SPAG16: variants seen among roughly 807,000 people sequenced by gnomAD.
The protein encoded by SPAG16 is sperm associated antigen 16, also known as sperm-associated antigen 16 protein.
A neutral mutation model predicts 80.4 loss-of-function variants in SPAG16; 86 were observed. That is an observed-to-expected ratio of 1.07 (90% CI 0.90 to 1.28). The LOEUF is 1.28. Ranked by LOEUF, SPAG16 falls within the 50% of genes most tolerant of loss-of-function variation. SPAG16 has a pLI of 0.00. For missense variants in SPAG16, 870 were observed against 765.3 expected (o/e 1.14, Z -1.61); for synonymous variants, 294 against 265.9 (o/e 1.11, Z -1.03).
At chr2:213,856,282 C>A (rs1032805420) in intron 10 of SPAG16, among the ~76,000 whole-genome samples, 1 of 152,200 alleles carries the variant, frequency 6.6e-6, no homozygotes, top group Admixed American at 6.5e-5. Context: ...ACTCCCATAG[C>A]CTTGGGCAGC....
intron 10 of SPAG16, among the ~76,000 whole-genome samples, chr2:213,731,688 TC>T (rs2067053176): frequency 6.6e-6 from 1 of 152,134 alleles, no homozygotes; most frequent in Non-Finnish European, 1.5e-5. Context: ...CCACAATGTA[TC>T]CATGTGTTCT....
chr2:213,751,657 C>T (rs573668045), intron 10 of SPAG16, among the ~76,000 whole-genome samples: 1 of 152,288 alleles, frequency 6.6e-6, no homozygotes. Context: ...TATTGTGTCT[C>T]CCCTGACGCA....
chr2:214,314,513 C>T (rs576496620), intron 15 of SPAG16, among the ~76,000 whole-genome samples: 1 of 152,324 alleles, frequency 6.6e-6, no homozygotes, highest in East Asian at 1.9e-4. Flanking sequence ...CAGTCAGTCT[C>T]TGTGGGTTTG....
intron 7 of SPAG16, among the ~76,000 whole-genome samples, chr2:213,356,826 T>C (rs2065684853): frequency 6.6e-6 from 1 of 152,204 alleles, no homozygotes; most frequent in Non-Finnish European, 1.5e-5. Flanking sequence ...CTCTAGTTCT[T>C]TTTATTGTGA....
chr2:214,274,884 T>G (rs545292978), intron 15 of SPAG16, among the ~76,000 whole-genome samples: 44 of 152,286 alleles, frequency 2.9e-4, no homozygotes, highest in African/African-American at 1.1e-3. Context: ...CCAGCTCCTC[T>G]TTGTACCTCT....
At chr2:214,219,281 A>G (rs1220856112) in intron 15 of SPAG16, among the ~76,000 whole-genome samples, 1 of 152,124 alleles carries the variant, frequency 6.6e-6, no homozygotes, top group Admixed American at 6.6e-5. Flanking sequence ...TGTTAAATCT[A>G]TTTTTAGGAG....
rs541989349 is a variant in SPAG16, at chr2:213,515,650, G to T, written c.1070+25560G>T. Among the ~76,000 whole-genome samples, 8 of 152,198 alleles carry T rather than the reference G, an allele frequency of 5.3e-5. No individual in the cohort carries two copies. The East Asian group carries it at 1.4e-3, about 26-fold the overall frequency. On this transcript the variant is annotated intron_variant, in intron 10 of 15. Coordinates refer to ENST00000331683, the MANE Select transcript of SPAG16 (RefSeq NM_024532.5). The stretch of plus-strand genomic sequence containing the variant: ...AAATATGACAGAAAAAGGAGATGGG[G>T]GAGTTTAAAAATATCTTTCTTACCT...
At chr2:214,160,467 G>A (rs1432849893) in intron 15 of SPAG16, among the ~76,000 whole-genome samples, 2 of 151,554 alleles carry the variant, frequency 1.3e-5, no homozygotes, top group Non-Finnish European at 2.9e-5. Context: ...TCCTTTCTCT[G>A]TAATCATTTT....
chr2:213,477,244 C>T (rs2073453563), intron 9 of SPAG16, among the ~76,000 whole-genome samples: 1 of 152,110 alleles, frequency 6.6e-6, no homozygotes, highest in South Asian at 2.1e-4. Context: ...CAAGTTTCAC[C>T]AGGGACCCAT....
chr2:213,625,877 A>G (rs897220967), intron 10 of SPAG16, among the ~76,000 whole-genome samples: 8 of 151,664 alleles, frequency 5.3e-5, no homozygotes, highest in Admixed American at 4.6e-4. Context: ...TTCAATAGAG[A>G]CGGGGTTTCA....
chr2:213,531,478 G>A (rs1016661972), intron 10 of SPAG16, among the ~76,000 whole-genome samples: 1 of 151,796 alleles, frequency 6.6e-6, no homozygotes, highest in Non-Finnish European at 1.5e-5. Context: ...GGATGGTGAA[G>A]AGGCACGTGG....
rs559843550 is a variant in SPAG16 at position 214,049,987 on chromosome 2, A to G, written c.1527+35910A>G. On this transcript the variant is annotated intron_variant, in intron 13 of 15. Coordinates refer to ENST00000331683, the MANE Select transcript of SPAG16 (RefSeq NM_024532.5). ...AGAATGTGTAACAGATTTTATTGGT[A>G]TATTTCATTCCTTTCAGTGAGAGCT... Among the ~76,000 whole-genome samples, 35 of 152,326 alleles carry G rather than the reference A, an allele frequency of 2.3e-4. No individual in the cohort carries two copies. In the South Asian group the frequency reaches 4.8e-3, roughly 21 times the overall value.
chr2:214,333,783 A>C (rs922163092), intron 15 of SPAG16, among the ~76,000 whole-genome samples: 1 of 152,204 alleles, frequency 6.6e-6, no homozygotes, highest in African/African-American at 2.4e-5. Context: ...CACCAAATTC[A>C]GGGCTTTGAA....
chr2:214,011,028 C>T lies in SPAG16; in HGVS notation c.1401-2923C>T, dbSNP rs62191924. 4.4e-4 allele frequency among the ~76,000 whole-genome samples: 64 copies of T among 145,220 alleles called. 6 individuals carry two copies. The highest frequency in any genetic ancestry group is 5.8e-4 in the Non-Finnish European group (39 of 66,994). ...TTGTCTTGTAGTAAGAAAGTATCTA[C>T]GTGACTTTCAGCAATGCCTTTAGTT... On this transcript the variant is annotated intron_variant, in intron 12 of 15. Transcript: ENST00000331683.
At chr2:213,865,017 A>C (rs1195161333) in intron 11 of SPAG16, among the ~76,000 whole-genome samples, 1 of 152,112 alleles carries the variant, frequency 6.6e-6, no homozygotes, top group Non-Finnish European at 1.5e-5. Context: ...GTAAAACAAG[A>C]TGATAGTAAA....
At chr2:214,175,125 ATAGAT>A (rs2057024790) in intron 15 of SPAG16, among the ~76,000 whole-genome samples, 1 of 151,048 alleles carries the variant, frequency 6.6e-6, no homozygotes, top group South Asian at 2.1e-4. Flanking sequence ...TAAGAAAGAA[ATAGAT>A]TAGAAGGATA....
chr2:213,996,932 T>C (rs1173796428), intron 12 of SPAG16, among the ~76,000 whole-genome samples: 1 of 152,200 alleles, frequency 6.6e-6, no homozygotes, highest in African/African-American at 2.4e-5. Flanking sequence ...TTGTGTTTTT[T>C]AAATATTTTT....
At chr2:214,093,519 T>C (rs1465147480) in intron 13 of SPAG16, among the ~76,000 whole-genome samples, 2 of 147,266 alleles carry the variant, frequency 1.4e-5, no homozygotes, top group Non-Finnish European at 3.0e-5. Context: ...TGTGTATGTA[T>C]ATGTGTATGT....
At chr2:213,399,296 T>A (rs2068199676) in intron 9 of SPAG16, among the ~76,000 whole-genome samples, 1 of 152,080 alleles carries the variant, frequency 6.6e-6, no homozygotes, top group Non-Finnish European at 1.5e-5. Context: ...TTTGTTTTCC[T>A]TTGATATTTA....
Sources: allele counts gnomAD v4.1 joint callset (sites outside exome capture counted in the v4.1 genomes callset), GRCh38; gene constraint gnomAD v4.1.1; transcripts MANE v1.5; gene names NCBI Gene and HGNC (gene_info 2026-07-23, HGNC 2026-07-21).